CLCN4: variants seen among roughly 807,000 people sequenced by gnomAD.
CLCN4 encodes the protein Cl-/H+ antiporter 4.
A neutral mutation model predicts 41.7 loss-of-function variants in CLCN4; 1 was observed. That is an observed-to-expected ratio of 0.02 (90% CI 0.01 to 0.11). CLCN4 has a LOEUF of 0.11. CLCN4 is among the 10% of genes least tolerant of loss of function. The pLI is 1.00. For synonymous variants in CLCN4, 277 were observed against 285.8 expected, an observed-to-expected ratio of 0.97 and a Z score of 0.31; for missense variants, 287 against 661.0, an observed-to-expected ratio of 0.43 and a Z score of 6.20.
intron 9 of CLCN4, among the ~76,000 whole-genome samples, chrX:10,212,145 C>T (rs1480819136): frequency 8.9e-6 from 1 of 112,495 alleles, no homozygotes; most frequent in Non-Finnish European, 1.9e-5. Flanking sequence ...GGTGTCTCAA[C>T]TGACAGATGC....
At chrX:10,169,780 TC>T (rs373967986) in intron 2 of CLCN4, among the ~76,000 whole-genome samples, 1,677 of 100,339 alleles carry the variant, frequency 0.017, 58 homozygotes, top group African/African-American at 0.054. Context: ...TTTTTCTTTT[TC>T]TTTTCTTTTC....
chrX:10,222,682 G>A (rs754105864), intron 12 of CLCN4, among the ~76,000 whole-genome samples: 12 of 111,646 alleles, frequency 1.1e-4, no homozygotes, highest in Non-Finnish European at 1.9e-4. Context: ...GTCACTAGTC[G>A]TGCAGTTGAG....
At chrX:10,229,147 G>C (rs955961360) in intron 12 of CLCN4, among the ~76,000 whole-genome samples, 1 of 111,161 alleles carries the variant, frequency 9.0e-6, no homozygotes, top group Non-Finnish European at 1.9e-5. Flanking sequence ...CTTGCATTTT[G>C]CTGCTACCGC....
rs766128771 is a variant in CLCN4, at chrX:10,166,618, G to T, written c.-12+8067G>T. Among the ~76,000 whole-genome samples the T allele has an allele frequency of 2.2e-4, 25 of 111,917 alleles. No individual in the cohort carries two copies. The Middle Eastern group carries it at 0.018, about 82-fold the overall frequency. The stretch of plus-strand genomic sequence containing the variant: ...GTGTGTGAGACTTAACCTCTGTGCC[G>T]CAGTTTGCTTATCTGTAACTTATCT... On this transcript the variant is annotated intron_variant, in intron 2 of 12. Coordinates refer to ENST00000380833, the MANE Select transcript of CLCN4 (RefSeq NM_001830.4).
rs1361781957 is a variant in CLCN4 at position 10,212,497 on chromosome X, G to T, written c.1420G>T (p.Ala474Ser). 8.3e-7 allele frequency: 1 copy of T among 1,211,817 alleles called. No homozygotes were observed. The highest frequency in any genetic ancestry group is 1.8e-5 in the South Asian group (1 of 56,969). ...GTCGGGCCTCTTCATCCCCAGCATG[G>T]CTGTGGGCGCGATAGCGGGCAGGAT... is the stretch of plus-strand genomic sequence containing the variant. Reference protein sequence around the residue: ...IPSGLFIPSMAVGAIAGRMVG... With the variant: ...IPSGLFIPSMSVGAIAGRMVG... The change falls in exon 10 of 13, where the codon GCT becomes TCT. Residue 474 changes from alanine to serine, a missense_variant. Ala to Ser is a moderately conservative substitution (Grantham distance 99, BLOSUM62 1). Around this residue, in one of 6 missense-constraint regions of CLCN4, gnomAD observed 94 missense variants for 177.9 expected, o/e 0.53. Coordinates refer to ENST00000380833, the MANE Select transcript of CLCN4 (RefSeq NM_001830.4).
intron 4 of CLCN4, among the ~76,000 whole-genome samples, chrX:10,191,891 TAC>T (rs1435649731): frequency 1.8e-5 from 2 of 109,509 alleles, no homozygotes; most frequent in Non-Finnish European, 3.8e-5. Context: ...CTGTCCCAGG[TAC>T]AGTTACACAA....
intron 2 of CLCN4, among the ~76,000 whole-genome samples, chrX:10,178,789 A>G (rs956130797): frequency 1.8e-5 from 2 of 111,680 alleles, no homozygotes; most frequent in Non-Finnish European, 3.8e-5. Flanking sequence ...CCAAGACTTC[A>G]TTGCTTCACA....
At chrX:10,206,000 T>C (rs1332707789) in intron 6 of CLCN4, among the ~76,000 whole-genome samples, 1 of 110,586 alleles carries the variant, frequency 9.0e-6, no homozygotes, top group Non-Finnish European at 1.9e-5. Context: ...ATCTAGGATA[T>C]ATTTCAGAGT....
intron 4 of CLCN4, among the ~76,000 whole-genome samples, chrX:10,194,177 C>T (rs773500390): frequency 3.7e-5 from 4 of 109,496 alleles, no homozygotes; most frequent in South Asian, 8.0e-4. Context: ...GATGCAGAAC[C>T]GATCCTGTAA....
rs544694050 is a variant in CLCN4, at chrX:10,201,017, G to A, written c.555+2956G>A. The stretch of plus-strand genomic sequence containing the variant: ...CATTTGTTTCTTATGTGACAAAAGT[G>A]CAAGGGATACATAGACATGGATGAA... On this transcript the variant is annotated intron_variant, in intron 6 of 12. Coordinates refer to ENST00000380833, the MANE Select transcript of CLCN4 (RefSeq NM_001830.4). Among the ~76,000 whole-genome samples, 48 of 112,513 alleles carry A rather than the reference G, an allele frequency of 4.3e-4. No individual in the cohort carries two copies. The Middle Eastern group carries it at 0.018, about 43-fold the overall frequency.
chrX:10,204,308 C>T (rs1924314117), intron 6 of CLCN4, among the ~76,000 whole-genome samples: 2 of 111,775 alleles, frequency 1.8e-5, no homozygotes, highest in African/African-American at 6.5e-5. Flanking sequence ...TAGTCAAAGT[C>T]CTTTACAATA....
chrX:10,172,256 C>T (rs754707016), intron 2 of CLCN4, among the ~76,000 whole-genome samples: 19 of 112,099 alleles, frequency 1.7e-4, no homozygotes, highest in Non-Finnish European at 5.6e-5. Flanking sequence ...CCTTTTCCCT[C>T]GGGAGTCAGT....
intron 9 of CLCN4, 78 bp downstream of exon 9, chrX:10,208,668 G>C: frequency 1.0e-6 from 1 of 969,200 alleles, no homozygotes. Flanking sequence ...AAATAAAATT[G>C]CGGTGGGAAA....
intron 5 of CLCN4, among the ~76,000 whole-genome samples, chrX:10,196,086 C>G (rs895965389): frequency 4.5e-5 from 5 of 111,933 alleles, no homozygotes; most frequent in African/African-American, 1.6e-4. Flanking sequence ...TTTTACATTC[C>G]CACCAGCAGT....
At chrX:10,186,618 G>A (rs960371662) in intron 3 of CLCN4, among the ~76,000 whole-genome samples, 16 of 111,292 alleles carry the variant, frequency 1.4e-4, no homozygotes, top group African/African-American at 3.3e-4. Flanking sequence ...GGGCTGGCAC[G>A]AAAGGAGGAG....
chrX:10,169,933 C>T (rs972897161), intron 2 of CLCN4, among the ~76,000 whole-genome samples: 1 of 109,570 alleles, frequency 9.1e-6, no homozygotes, highest in Admixed American at 9.8e-5. Flanking sequence ...GGATTACAGG[C>T]ATGCACCACC....
At chrX:10,233,448 G>A (rs371932623) in intron 12 of CLCN4, 46 bp from the exon 13 acceptor site, 19 of 971,546 alleles carry the variant, frequency 2.0e-5, no homozygotes, top group Admixed American at 6.7e-5. Flanking sequence ...GGGATGAGTC[G>A]TCGTTTCAAG....
At chrX:10,197,831 C>A (rs980219835) in intron 5 of CLCN4, 108 bp from the exon 6 acceptor site, 1 of 1,024,826 alleles carries the variant, frequency 9.8e-7, no homozygotes, top group Non-Finnish European at 1.3e-6. Context: ...CAAACCTGCC[C>A]AATCCCGTCA....
At chrX:10,216,895 G>GTATATATATATATATATA (rs1277215208) in intron 11 of CLCN4, among the ~76,000 whole-genome samples, 2 of 2,092 alleles carry the variant, frequency 9.6e-4, no homozygotes, top group Non-Finnish European at 3.0e-3. Context: ...GTGTGTGTGT[G>GTATATATATATATATATA]TGTATATATA....
Sources: gnomAD v4.1 joint callset for allele counts (sites outside exome capture counted in the v4.1 genomes callset) on GRCh38, gnomAD v4.1.1 for gene constraint, gnomAD v4.1.1 regional missense constraint, MANE v1.5 for transcripts, NCBI Gene and HGNC (gene_info 2026-07-23, HGNC 2026-07-21) for gene names.